LNPEP: variants seen among roughly 807,000 people sequenced by gnomAD.
The protein encoded by LNPEP is leucyl-cystinyl aminopeptidase.
LNPEP carries 64 observed loss-of-function variants against 120.6 expected under a neutral mutation model. That is an observed-to-expected ratio of 0.53 (90% CI 0.43 to 0.65). LNPEP has a LOEUF of 0.65. LNPEP is among the 30% of genes least tolerant of loss of function. The probability of loss-of-function intolerance (pLI) is 0.00; values close to 1 mark genes in which losing one functional copy is unlikely to be tolerated. For synonymous variants in LNPEP, 435 were observed against 425.4 expected (o/e 1.02, Z -0.28); for missense variants, 1,057 against 1,200.0 (o/e 0.88, Z 1.76).
chr5:96,952,595 C>T (rs1327425906), intron 1 of LNPEP, among the ~76,000 whole-genome samples: 1 of 152,134 alleles, frequency 6.6e-6, no homozygotes, highest in Non-Finnish European at 1.5e-5. Context: ...TTTGACTGGC[C>T]ACATTATCAG....
rs944451265 is a variant in LNPEP, at chr5:97,033,367, T to C, written c.*4834T>C. 4.6e-5 allele frequency: 7 copies of C among 152,196 alleles called. No individual in the cohort carries two copies. Among genetic ancestry groups the C allele is most frequent in the Non-Finnish European group, 1.0e-4 (7 of 68,020 alleles). 9.4% of individuals were successfully genotyped at this position (152,196 alleles called of 1,614,324 possible). A position where few individuals can be genotyped will look rare whatever the true frequency, so the allele number is the denominator to read the frequency against. ...TTTACTACTACATTGTATTAATTCA[T>C]CGGGTGCCCAGACTGAAAGGTACCT... On this transcript the variant is annotated 3_prime_UTR_variant, in exon 18 of 18. Coordinates refer to ENST00000231368, the MANE Select transcript of LNPEP (RefSeq NM_005575.3).
rs1791509747 is a variant in LNPEP, at chr5:97,033,451, C to T, written c.*4918C>T. 1 of 152,100 alleles carries T rather than the reference C, an allele frequency of 6.6e-6. No individual in the cohort carries two copies. 9.4% of individuals were successfully genotyped at this position (152,100 alleles called of 1,614,324 possible). On this transcript the variant is annotated 3_prime_UTR_variant, in exon 18 of 18. Coordinates refer to ENST00000231368, the MANE Select transcript of LNPEP (RefSeq NM_005575.3). ...TCCTCTTTTCCCTTTCCCTTATTGC[C>T]CATGTGGGCAATACTTAAGAGTAGT...
At chr5:96,999,173 A>G (rs565803701) in intron 8 of LNPEP, among the ~76,000 whole-genome samples, 1 of 152,326 alleles carries the variant, frequency 6.6e-6, no homozygotes, top group South Asian at 2.1e-4. Flanking sequence ...GACTTGATTA[A>G]AGTTACTATT....
chr5:96,990,091 T>C (rs1249136019), intron 4 of LNPEP, among the ~76,000 whole-genome samples: 2 of 152,204 alleles, frequency 1.3e-5, no homozygotes, highest in East Asian at 1.9e-4. Flanking sequence ...ACACAAGATA[T>C]GTTTGTCTGG....
intron 1 of LNPEP, among the ~76,000 whole-genome samples, chr5:96,960,211 T>G (rs958941481): frequency 6.6e-6 from 1 of 152,188 alleles, no homozygotes; most frequent in African/African-American, 2.4e-5. Flanking sequence ...GTGCTGAGAT[T>G]ACAGGCGTGA....
At chr5:96,978,300 A>G (rs111465521) in intron 1 of LNPEP, among the ~76,000 whole-genome samples, 9 of 151,802 alleles carry the variant, frequency 5.9e-5, no homozygotes, top group African/African-American at 2.2e-4. Context: ...AGTTTGTAAA[A>G]GCTCCCACTG....
In LNPEP at chr5:96,993,132, T is replaced by C. The variant is rs748073378; in HGVS notation, c.1249T>C (p.Leu417=). The C allele has an allele frequency of 1.9e-6, 3 of 1,575,932 alleles. No homozygotes were observed. In the African/African-American group the frequency reaches 4.1e-5, roughly 22 times the overall value. The change falls in exon 5 of 18, where the codon TTG becomes CTG. Residue 417 remains leucine, a synonymous_variant. Coordinates refer to ENST00000231368, the MANE Select transcript of LNPEP (RefSeq NM_005575.3). ...YFEIQYPLKK[L]DLVAIPDFEA... ...TGAAATTCAGTACCCACTTAAGAAA[T>C]TGGGTAAGAATCAAATAGTGTGTCT...
At chr5:96,949,615 G>C (rs1298347638) in intron 1 of LNPEP, among the ~76,000 whole-genome samples, 2 of 152,116 alleles carry the variant, frequency 1.3e-5, no homozygotes, top group African/African-American at 4.8e-5. Context: ...CTTAATTCTG[G>C]CCCAGGTATG....
chr5:96,944,036 G>A (rs1789122508), intron 1 of LNPEP, among the ~76,000 whole-genome samples: 1 of 152,152 alleles, frequency 6.6e-6, no homozygotes, highest in Admixed American at 6.5e-5. Context: ...TCTATGGGTT[G>A]GGTGTGCTCC....
chr5:96,993,932 G>C lies in LNPEP; in HGVS notation c.1368G>C (p.Lys456Asn), dbSNP rs1790449962. Reference protein sequence around the residue: ...DSNTSSMADRKLVTKIIAHEL... With the variant: ...DSNTSSMADRNLVTKIIAHEL... ...ACACTTCTTCAATGGCGGATAGAAAGCTGGTGACTAAAATCATTGCTCATG... is the reference window on the plus strand; with the variant it reads ...ACACTTCTTCAATGGCGGATAGAAACCTGGTGACTAAAATCATTGCTCATG... The change falls in exon 6 of 18, where the codon AAG (lysine) becomes AAC (asparagine). Residue 456 changes from lysine (K) to asparagine (N), a missense_variant. By Grantham distance (94) the Lys-to-Asn change is moderately conservative. Coordinates refer to ENST00000231368, the MANE Select transcript of LNPEP (RefSeq NM_005575.3). 1 of 1,613,782 alleles carries C rather than the reference G, an allele frequency of 6.2e-7. No individual in the cohort carries two copies. The highest frequency in any genetic ancestry group is 1.7e-5 in the Admixed American group (1 of 59,980).
At chr5:97,004,301 T>G (rs1790726243) in intron 9 of LNPEP, among the ~76,000 whole-genome samples, 1 of 152,088 alleles carries the variant, frequency 6.6e-6, no homozygotes, top group South Asian at 2.1e-4. Context: ...GATCATGAGA[T>G]CAGGAGTTCG....
rs773386481 is a variant in LNPEP at position 96,996,428 on chromosome 5, C to CT, written c.1446_1447insT (p.Leu483SerfsTer5). 6.2e-7 allele frequency: 1 copy of CT among 1,611,926 alleles called. No individual in the cohort carries two copies. On this transcript the variant is annotated frameshift_variant, in exon 7 of 18. Transcript: ENST00000231368. LOFTEE classifies it high-confidence loss of function. ...TGGTAACAATGAAGTGGTGGAATGA[C>CT]CTATGGCTAAATGAAGGTTTTGCCA... is the stretch of plus-strand genomic sequence containing the variant.
At chr5:97,022,214 A>G in intron 13 of LNPEP, 86 bp from the exon 14 acceptor site, 1 of 825,690 alleles carries the variant, frequency 1.2e-6, no homozygotes, top group African/African-American at 1.7e-5. Context: ...CAGGCACGAG[A>G]CACTGCACCT....
intron 1 of LNPEP, among the ~76,000 whole-genome samples, chr5:96,950,775 CTT>C (rs1789300431): frequency 6.6e-6 from 1 of 152,170 alleles, no homozygotes; most frequent in Admixed American, 6.5e-5. Context: ...GGCCACACAA[CTT>C]AAATTATTGT....
At chr5:96,956,913 T>G (rs551388622) in intron 1 of LNPEP, among the ~76,000 whole-genome samples, 16 of 152,332 alleles carry the variant, frequency 1.1e-4, no homozygotes, top group African/African-American at 3.8e-4. Flanking sequence ...GTCATCACCA[T>G]TCTGCTCTTC....
intron 1 of LNPEP, among the ~76,000 whole-genome samples, chr5:96,954,502 T>G (rs1789393155): frequency 6.6e-6 from 1 of 151,530 alleles, no homozygotes; most frequent in African/African-American, 2.4e-5. Context: ...TGTGCAATAA[T>G]TGTTCAAATG....
chr5:96,951,262 T>TGGG (rs145683964), intron 1 of LNPEP, among the ~76,000 whole-genome samples: 14 of 140,222 alleles, frequency 1.0e-4, no homozygotes, highest in Middle Eastern at 3.7e-3. Flanking sequence ...TTTCTTTTTT[T>TGGG]GGCGGGGGGC....
intron 1 of LNPEP, among the ~76,000 whole-genome samples, chr5:96,973,741 AC>A (rs1789928460): frequency 1.3e-5 from 2 of 152,248 alleles, no homozygotes; most frequent in South Asian, 4.1e-4. Context: ...ATGCCTAGGG[AC>A]AGCTGTACAT....
At position 97,022,451 on chromosome 5, in the gene LNPEP, T is replaced by G. The variant is rs1791226946; in HGVS notation, c.2528T>G (p.Phe843Cys). 12 of 1,614,062 alleles carry G rather than the reference T, an allele frequency of 7.4e-6. No individual in the cohort carries two copies. Among genetic ancestry groups the G allele is most frequent in the Non-Finnish European group, 1.0e-5 (12 of 1,179,964 alleles). ...GNCSTTAMKL[F>C]DDWMASNGTQ... ...TGCTCTACTACTGCCATGAAACTGTTTGATGACTGGATGGCATCCAATGGA... is the reference window on the plus strand; with the variant it reads ...TGCTCTACTACTGCCATGAAACTGTGTGATGACTGGATGGCATCCAATGGA... The change falls in exon 14 of 18, where the codon TTT becomes TGT. Residue 843 changes from phenylalanine to cysteine, a missense_variant. By Grantham distance (205) the Phe-to-Cys change is radical (BLOSUM62 -2). Transcript: ENST00000231368.
Sources: gnomAD v4.1 joint callset for allele counts (sites outside exome capture counted in the v4.1 genomes callset) on GRCh38, gnomAD v4.1.1 for gene constraint, MANE v1.5 for transcripts, NCBI Gene and HGNC (gene_info 2026-07-23, HGNC 2026-07-21) for gene names.